The following TRIO variants were observed in gnomAD, a reference collection of about 807,000 sequenced individuals.
TRIO encodes the protein triple functional domain protein.
TRIO carries 58 observed loss-of-function variants against 351.9 expected under a neutral mutation model. That is an observed-to-expected ratio of 0.16 (90% CI 0.13 to 0.21). TRIO has a LOEUF of 0.21. Among genes scored for constraint, TRIO ranks in the 10% least tolerant of loss-of-function variants. The probability of loss-of-function intolerance (pLI) is 1.00; values close to 1 mark genes in which losing one functional copy is unlikely to be tolerated. For synonymous variants in TRIO, 1,758 were observed against 1,595.7 expected, an observed-to-expected ratio of 1.10 and a Z score of -2.42; for missense variants, 3,201 against 4,027.8, an observed-to-expected ratio of 0.79 and a Z score of 5.56.
intron 53 of TRIO, among the ~76,000 whole-genome samples, chr5:14,500,799 G>T (rs2126693044): frequency 6.6e-6 from 1 of 150,466 alleles, no homozygotes; most frequent in South Asian, 2.1e-4. Context: ...GAGGTGGGGG[G>T]ATCACTTGCC....
chr5:14,147,002 T>C (rs1377398222), intron 1 of TRIO, among the ~76,000 whole-genome samples: 1 of 152,202 alleles, frequency 6.6e-6, no homozygotes, highest in Non-Finnish European at 1.5e-5. Flanking sequence ...AGTGTTCAAG[T>C]GGATTGAGTT....
intron 15 of TRIO, 62 bp downstream of exon 15, chr5:14,364,878 T>A (rs976876215): frequency 1.3e-6 from 2 of 1,522,136 alleles, no homozygotes; most frequent in East Asian, 4.6e-5. Flanking sequence ...CTCATCGACT[T>A]CCCGGAAATT....
Position 14,461,117 on chromosome 5 carries a change from C to T in TRIO, c.5302C>T (p.Arg1768Trp). ...IGAQSSPGPK[R>W]PGNTLRKWLT... is the part of the protein sequence containing the mutation. The stretch of plus-strand genomic sequence containing the variant: ...GGCCCAGAGCTCGCCGGGCCCCAAG[C>T]GGCCGGGCAACACCCTGCGCAAGTG... Residue 1768 changes from arginine to tryptophan, a missense_variant, in exon 35 of 57, where the codon CGG becomes TGG. Arg to Trp is a moderately radical substitution (Grantham distance 101). Around this residue, in one of 19 missense-constraint regions of TRIO, gnomAD observed 193 missense variants for 218.8 expected, o/e 0.88. Transcript: ENST00000344204. The T allele has an allele frequency of 6.4e-7, 1 of 1,557,966 alleles. No homozygotes were observed. Among genetic ancestry groups the T allele is most frequent in the Non-Finnish European group, 8.7e-7 (1 of 1,151,732 alleles).
intron 1 of TRIO, among the ~76,000 whole-genome samples, chr5:14,157,651 GATCTCGGCTC>G (rs1788197632): frequency 6.6e-6 from 1 of 151,934 alleles, no homozygotes; most frequent in African/African-American, 2.4e-5. Flanking sequence ...GCAGTAGTAT[GATCTCGGCTC>G]ACTGCAGCCT....
rs548426305 is a variant in TRIO, at chr5:14,447,293, G to A, written c.5204-13726G>A. Among the ~76,000 whole-genome samples, 95 of 152,228 alleles carry A rather than the reference G, an allele frequency of 6.2e-4. 1 individual carries two copies. Among genetic ancestry groups the A allele is most frequent in the Non-Finnish European group, 9.1e-4 (62 of 68,010 alleles). ...TGATTGCAGAATACTCCAAAGCCAC[G>A]TTTTTTCCCCTTAATGCTGTTATTA... On this transcript the variant is annotated intron_variant, in intron 34 of 56. Transcript: ENST00000344204.
At position 14,419,823 on chromosome 5, in the gene TRIO, G is replaced by A. The variant is rs1274992482; in HGVS notation, c.5005G>A (p.Ala1669Thr). ...ELTVVIHDFTACNSNELTIRR... is the reference protein window; with the variant it reads ...ELTVVIHDFTTCNSNELTIRR... ...GACAGTGGTGATCCATGACTTCACCGCTTGCAACAGCAACGAGCTGACCAT... is the reference window on the plus strand; with the variant it reads ...GACAGTGGTGATCCATGACTTCACCACTTGCAACAGCAACGAGCTGACCAT... The change falls in exon 34 of 57, where the codon GCT (alanine) becomes ACT (threonine). Residue 1669 changes from alanine (A) to threonine (T), a missense_variant. Coordinates refer to ENST00000344204, the MANE Select transcript of TRIO (RefSeq NM_007118.4). 3.1e-6 allele frequency: 5 copies of A among 1,614,168 alleles called. No homozygotes were observed. Among genetic ancestry groups the A allele is most frequent in the African/African-American group, 1.3e-5 (1 of 75,028 alleles).
intron 34 of TRIO, among the ~76,000 whole-genome samples, chr5:14,457,373 T>TCCCCCCCCCCCCCCCCCCCCCCCCCCCC (rs61513660): frequency 2.0e-5 from 1 of 48,926 alleles, no homozygotes; most frequent in Non-Finnish European, 3.9e-5. Context: ...AGCCCTGACC[T>TCCCCCCCCCCCCCCCCCCCCCCCCCCCC]CCCCCCCCCC....
chr5:14,359,352 C>T lies in TRIO; in HGVS notation c.2217-5C>T, dbSNP rs367591598. The T allele has an allele frequency of 2.0e-5, 32 of 1,610,464 alleles. No individual in the cohort carries two copies. The highest frequency in any genetic ancestry group is 2.7e-5 in the African/African-American group (2 of 74,872). On this transcript the variant is annotated splice_region_variant and splice_polypyrimidine_tract_variant and intron_variant, in intron 12 of 56. Transcript: ENST00000344204. Reference sequence around the variant, plus strand: ...CAATTCCTGTTCCTCTGTGTGCTCTCGCAGGGACTCTGCCATCTCCAGTAA... The same window carrying T: ...CAATTCCTGTTCCTCTGTGTGCTCTTGCAGGGACTCTGCCATCTCCAGTAA...
At chr5:14,414,345 A>C (rs566330036) in intron 33 of TRIO, among the ~76,000 whole-genome samples, 63 of 152,354 alleles carry the variant, frequency 4.1e-4, no homozygotes, top group South Asian at 1.0e-3. Flanking sequence ...GGGAGCTGCC[A>C]CGTCTCTGGT....
chr5:14,498,640 G>GGTAAGCA lies in TRIO; in HGVS notation c.8332+1_8332+7dup. 6.2e-7 allele frequency: 1 copy of GGTAAGCA among 1,612,946 alleles called. No homozygotes were observed. The highest frequency in any genetic ancestry group is 8.5e-7 in the Non-Finnish European group (1 of 1,178,936). On this transcript the variant is annotated frameshift_variant and splice_region_variant. Coordinates refer to ENST00000344204, the MANE Select transcript of TRIO (RefSeq NM_007118.4). LOFTEE classifies it high-confidence loss of function. The stretch of plus-strand genomic sequence containing the variant: ...ATCGTCGGCCAGCCTGAGGGTCCTA[G>GGTAAGCA]GTAAGCACCGTGCAACGAGGATTCT...
intron 1 of TRIO, among the ~76,000 whole-genome samples, chr5:14,185,153 T>TC (rs1341812572): frequency 7.3e-6 from 1 of 137,458 alleles, no homozygotes; most frequent in Non-Finnish European, 1.6e-5. Flanking sequence ...TCGCCCCCCT[T>TC]CCCCGCCCCC....
rs747712876 is a variant in TRIO, at chr5:14,387,874, G to C, written c.3881+27G>C. On this transcript the variant is annotated intron_variant, in intron 23 of 56. Transcript: ENST00000344204. ...TAAGCCAGTCTTTCAGAATCTACCAGGATTCACTGGAAAAGTGAAGAGAAT... is the reference window on the plus strand; with the variant it reads ...TAAGCCAGTCTTTCAGAATCTACCACGATTCACTGGAAAAGTGAAGAGAAT... 3 of 1,606,640 alleles carry C rather than the reference G, an allele frequency of 1.9e-6. No individual in the cohort carries two copies. The East Asian group carries it at 6.7e-5, about 36-fold the overall frequency.
chr5:14,505,154 A>G (rs1440847274), intron 55 of TRIO, among the ~76,000 whole-genome samples: 1 of 152,238 alleles, frequency 6.6e-6, no homozygotes, highest in African/African-American at 2.4e-5. Flanking sequence ...AGATCAGAAA[A>G]TAATTTAGTC....
chr5:14,424,905 C>T (rs897678308), intron 34 of TRIO, among the ~76,000 whole-genome samples: 1 of 152,190 alleles, frequency 6.6e-6, no homozygotes, highest in Non-Finnish European at 1.5e-5. Context: ...CTTGTCCACC[C>T]GAATAGTTTA....
intron 1 of TRIO, among the ~76,000 whole-genome samples, chr5:14,195,372 G>A (rs1790711143): frequency 6.6e-6 from 1 of 152,172 alleles, no homozygotes. Flanking sequence ...GTGGTATTGT[G>A]CTCTCTGTGC....
At chr5:14,283,985 A>T (rs758909509) in intron 3 of TRIO, among the ~76,000 whole-genome samples, 4 of 152,152 alleles carry the variant, frequency 2.6e-5, no homozygotes, top group Non-Finnish European at 4.4e-5. Flanking sequence ...GTTCTAGAAC[A>T]TTCTGCCTTC....
Position 14,487,731 on chromosome 5 carries a change from G to A in TRIO, c.7103G>A (p.Gly2368Asp). 1 of 1,435,800 alleles carries A rather than the reference G, an allele frequency of 7.0e-7. No individual in the cohort carries two copies. 88.9% of individuals were successfully genotyped at this position (1,435,800 alleles called of 1,614,324 possible). ...SSQAEADKMS[G>D]TSTPGPSLPP... ...CAGGCAGAGGCAGACAAGATGTCAG[G>A]TACGTCCACCCCCGGGCCCTCCCTG... The change falls in exon 48 of 57, where the codon GGT (glycine) becomes GAT (aspartate). Residue 2368 changes from glycine to aspartate, a missense_variant. Transcript: ENST00000344204.
chr5:14,236,947 C>T (rs1180462060), intron 1 of TRIO, among the ~76,000 whole-genome samples: 3 of 152,198 alleles, frequency 2.0e-5, no homozygotes, highest in Non-Finnish European at 2.9e-5. Flanking sequence ...GAGGTATCCA[C>T]AGGGAAGCTT....
chr5:14,347,805 G>A (rs1363789864), intron 11 of TRIO, among the ~76,000 whole-genome samples: 1 of 152,210 alleles, frequency 6.6e-6, no homozygotes, highest in African/African-American at 2.4e-5. Flanking sequence ...GGTTTGGAAG[G>A]TGTGTGTATC....
Sources: gnomAD v4.1 joint callset for allele counts (sites outside exome capture counted in the v4.1 genomes callset) on GRCh38, gnomAD v4.1.1 for gene constraint, gnomAD v4.1.1 regional missense constraint, MANE v1.5 for transcripts, NCBI Gene and HGNC (gene_info 2026-07-23, HGNC 2026-07-21) for gene names.